KCNT2: variants seen among roughly 807,000 people sequenced by gnomAD.
KCNT2 encodes potassium sodium-activated channel subfamily T member 2.
A neutral mutation model predicts 153.8 loss-of-function variants in KCNT2; 67 were observed. That is an observed-to-expected ratio of 0.44 (90% CI 0.36 to 0.53). KCNT2 has a LOEUF of 0.53. Ranked by LOEUF, KCNT2 falls within the 20% of genes least tolerant of loss-of-function variation. The pLI is 0.00. For synonymous variants in KCNT2, 500 were observed against 458.8 expected, an observed-to-expected ratio of 1.09 and a Z score of -1.15; for missense variants, 975 against 1,354.8, an observed-to-expected ratio of 0.72 and a Z score of 4.40.
chr1:196,267,721 A>T (rs771657967), intron 25 of KCNT2, among the ~76,000 whole-genome samples: 3 of 152,142 alleles, frequency 2.0e-5, no homozygotes, highest in Non-Finnish European at 4.4e-5. Flanking sequence ...CTGAAATCAG[A>T]TGCCCTGCGC....
At chr1:196,432,648 A>T (rs185424929) in intron 8 of KCNT2, among the ~76,000 whole-genome samples, 3 of 152,224 alleles carry the variant, frequency 2.0e-5, no homozygotes, top group Admixed American at 2.0e-4. Flanking sequence ...TTGGAATAAG[A>T]ATATCTATCC....
Position 196,465,683 on chromosome 1 carries a change from A to G in KCNT2, c.544-296T>C, listed in dbSNP as rs1193175279. Among the ~76,000 whole-genome samples, 4 of 151,818 alleles carry G rather than the reference A, an allele frequency of 2.6e-5. 1 individual carries two copies. In the South Asian group the frequency reaches 8.3e-4, roughly 31 times the overall value. On this transcript the variant is annotated intron_variant, in intron 7 of 27. Coordinates refer to ENST00000294725, the MANE Select transcript of KCNT2 (RefSeq NM_198503.5). The stretch of plus-strand genomic sequence containing the variant: ...ACAGGTGTTGCACTTACTCCCCCAA[A>G]CCCCTACATGTTAAGCATGAACTTT...
intron 1 of KCNT2, among the ~76,000 whole-genome samples, chr1:196,581,825 C>A (rs12757236): frequency 0.016 from 2,368 of 152,176 alleles, 16 homozygotes; most frequent in Non-Finnish European, 0.024. Context: ...AAAACTAAGT[C>A]TTTCATTTTG....
intron 14 of KCNT2, 33 bp from the exon 15 acceptor site, chr1:196,342,261 C>A (rs559729964): frequency 4.4e-5 from 68 of 1,562,940 alleles, no homozygotes; most frequent in South Asian, 3.8e-4. Context: ...TACACACACA[C>A]AAAAAGAAAA....
Position 196,599,784 on chromosome 1 carries a change from C to T in KCNT2, c.95+8431G>A, listed in dbSNP as rs181985080. ...TAAGATAAATACGTTCAATCTAAGG[C>T]AAAATTGTGGAGAGAAATCTCACTG... On this transcript the variant is annotated intron_variant, in intron 1 of 27. Coordinates refer to ENST00000294725, the MANE Select transcript of KCNT2 (RefSeq NM_198503.5). Among the ~76,000 whole-genome samples the T allele has an allele frequency of 1.4e-3, 220 of 152,228 alleles. 2 individuals carry two copies. Among genetic ancestry groups the T allele is most frequent in the African/African-American group, 5.1e-3 (212 of 41,550 alleles).
At chr1:196,572,502 A>C (rs1660896302) in intron 1 of KCNT2, among the ~76,000 whole-genome samples, 1 of 152,124 alleles carries the variant, frequency 6.6e-6, no homozygotes, top group African/African-American at 2.4e-5. Context: ...GAATCAGAGA[A>C]GGCTAAGGAA....
At chr1:196,509,901 T>C (rs1472356936) in intron 1 of KCNT2, among the ~76,000 whole-genome samples, 1 of 152,164 alleles carries the variant, frequency 6.6e-6, no homozygotes, top group Non-Finnish European at 1.5e-5. Context: ...GAGGACTCCA[T>C]AGGACTATCT....
intron 14 of KCNT2, among the ~76,000 whole-genome samples, chr1:196,359,915 G>C (rs921853027): frequency 6.6e-6 from 1 of 151,942 alleles, no homozygotes; most frequent in Non-Finnish European, 1.5e-5. Context: ...CTAGAGCATA[G>C]ACAGCCTTAA....
chr1:196,595,790 T>G (rs1364143376), intron 1 of KCNT2, among the ~76,000 whole-genome samples: 2 of 151,972 alleles, frequency 1.3e-5, no homozygotes, highest in Admixed American at 1.3e-4. Flanking sequence ...ACCCATCACC[T>G]GAGCAGTGCA....
At chr1:196,297,290 C>G (rs967375073) in intron 22 of KCNT2, among the ~76,000 whole-genome samples, 6 of 151,928 alleles carry the variant, frequency 3.9e-5, no homozygotes, top group African/African-American at 1.4e-4. Flanking sequence ...ATTTTATTAA[C>G]TTAGTTACAT....
rs199796843 is a variant in KCNT2, at chr1:196,305,221, T to C, written c.2595+13A>G. 43 of 1,373,660 alleles carry C rather than the reference T, an allele frequency of 3.1e-5. No homozygotes were observed. The East Asian group carries it at 9.9e-4, about 32-fold the overall frequency. The allele number at this position is 1,373,660 out of a possible 1,614,324, so 85.1% of individuals were successfully genotyped here. A position where few individuals can be genotyped will look rare whatever the true frequency, so the allele number is the denominator to read the frequency against. ...TGGTTAAATCTAATTTACTTGATAA[T>C]GTGGGGTCTTACCTTTTCCAGTTTT... On this transcript the variant is annotated intron_variant, in intron 22 of 27. Transcript: ENST00000294725.
chr1:196,296,390 A>G (rs1660678650), intron 22 of KCNT2, among the ~76,000 whole-genome samples: 1 of 152,032 alleles, frequency 6.6e-6, no homozygotes, highest in Non-Finnish European at 1.5e-5. Flanking sequence ...TTTGATTATA[A>G]CAATGAATAT....
intron 1 of KCNT2, among the ~76,000 whole-genome samples, chr1:196,497,077 A>G (rs1680317259): frequency 6.6e-6 from 1 of 152,218 alleles, no homozygotes; most frequent in Admixed American, 6.5e-5. Flanking sequence ...AAGTCAAATA[A>G]TTGTGTTGTC....
chr1:196,366,843 A>G (rs1479860975), intron 14 of KCNT2, among the ~76,000 whole-genome samples: 1 of 152,178 alleles, frequency 6.6e-6, no homozygotes, highest in South Asian at 2.1e-4. Context: ...CACACAGTGA[A>G]TATTCAATAA....
At chr1:196,531,352 A>G (rs186790758) in intron 1 of KCNT2, among the ~76,000 whole-genome samples, 1 of 152,224 alleles carries the variant, frequency 6.6e-6, no homozygotes, top group African/African-American at 2.4e-5. Context: ...ATAAAAGAAG[A>G]CGAACTTTGT....
intron 13 of KCNT2, among the ~76,000 whole-genome samples, chr1:196,381,800 C>G (rs1669514933): frequency 6.6e-6 from 1 of 152,064 alleles, no homozygotes; most frequent in Admixed American, 6.5e-5. Context: ...GAACACCTGT[C>G]GTGTAATAGT....
chr1:196,572,981 T>C (rs1660944940), intron 1 of KCNT2, among the ~76,000 whole-genome samples: 1 of 152,036 alleles, frequency 6.6e-6, no homozygotes, highest in Non-Finnish European at 1.5e-5. Flanking sequence ...TAGGATAAAA[T>C]AAGCTATTGT....
chr1:196,311,084 G>A (rs1193629610), intron 21 of KCNT2, among the ~76,000 whole-genome samples: 3 of 151,690 alleles, frequency 2.0e-5, no homozygotes, highest in Non-Finnish European at 2.9e-5. Flanking sequence ...AGTTCCTCAG[G>A]AAGACATTCC....
intron 8 of KCNT2, among the ~76,000 whole-genome samples, chr1:196,464,790 T>C (rs1436097806): frequency 9.9e-5 from 15 of 152,004 alleles, no homozygotes; most frequent in Non-Finnish European, 2.9e-5. Context: ...ATATTTTATA[T>C]GTTTTTATAA....
Sources: allele counts gnomAD v4.1 joint callset (sites outside exome capture counted in the v4.1 genomes callset), GRCh38; gene constraint gnomAD v4.1.1; transcripts MANE v1.5; gene names NCBI Gene and HGNC (gene_info 2026-07-23, HGNC 2026-07-21).